Variants in SLC26A9 observed in about 807,000 individuals in gnomAD.
SLC26A9 encodes the protein anion transporter/exchanger protein 9.
SLC26A9 carries 46 observed loss-of-function variants against 87.1 expected under a neutral mutation model. That is an observed-to-expected ratio of 0.53 (90% CI 0.42 to 0.67). The LOEUF (loss-of-function observed/expected upper bound fraction) is 0.67, where lower values mean the gene tolerates loss of function less well. SLC26A9 is among the 30% of genes least tolerant of loss of function. SLC26A9 has a pLI of 0.00. For missense variants in SLC26A9, 927 were observed against 1,018.3 expected, an observed-to-expected ratio of 0.91 and a Z score of 1.22; for synonymous variants, 437 against 409.1, an observed-to-expected ratio of 1.07 and a Z score of -0.82.
chr1:205,935,373 C>G (rs1253327916), intron 2 of SLC26A9, among the ~76,000 whole-genome samples: 4 of 152,098 alleles, frequency 2.6e-5, no homozygotes, highest in Non-Finnish European at 4.4e-5. Flanking sequence ...GCTCCCCACC[C>G]CTCCATAACG....
chr1:205,926,446 G>T lies in SLC26A9; in HGVS notation c.1389+89C>A, dbSNP rs554152842. 12 of 1,085,300 alleles carry T rather than the reference G, an allele frequency of 1.1e-5. No homozygotes were observed. The Admixed American group carries it at 2.1e-4, about 19-fold the overall frequency. The allele number at this position is 1,085,300 out of a possible 1,614,324, so 67.2% of individuals were successfully genotyped here. A position where few individuals can be genotyped will look rare whatever the true frequency, so the allele number is the denominator to read the frequency against. On this transcript the variant is annotated intron_variant, in intron 12 of 20. Coordinates refer to ENST00000367135, the MANE Select transcript of SLC26A9 (RefSeq NM_052934.4). Reference sequence around the variant, plus strand: ...TAATTAGGAAGCAGCAGACTAGAGGGTTCATTGTTAGGACAGGGCTGACAG... The same window carrying T: ...TAATTAGGAAGCAGCAGACTAGAGGTTTCATTGTTAGGACAGGGCTGACAG...
At chr1:205,930,091 A>G in intron 5 of SLC26A9, 35 bp from the exon 6 acceptor site, 2 of 1,569,486 alleles carry the variant, frequency 1.3e-6, no homozygotes, top group Non-Finnish European at 1.7e-6. Context: ...GTGGCGGAAG[A>G]CCAATGTGGT....
rs1658516834 is a variant in SLC26A9, at chr1:205,914,984, A to C, written c.*373T>G. 1.9e-6 allele frequency: 3 copies of C among 1,614,164 alleles called. No homozygotes were observed. The highest frequency in any genetic ancestry group is 1.7e-6 in the Non-Finnish European group (2 of 1,180,032). On this transcript the variant is annotated 3_prime_UTR_variant, in exon 21 of 21. Coordinates refer to ENST00000367135, the MANE Select transcript of SLC26A9 (RefSeq NM_052934.4). ...TTGTACAGCAGGCCAGCACAGTTGTACTTGTCCTTCTGTTTTTGGCTCACT... is the reference window on the plus strand; with the variant it reads ...TTGTACAGCAGGCCAGCACAGTTGTCCTTGTCCTTCTGTTTTTGGCTCACT...
chr1:205,919,487 T>TCC (rs1266677743), intron 18 of SLC26A9, among the ~76,000 whole-genome samples: 1 of 152,104 alleles, frequency 6.6e-6, no homozygotes, highest in East Asian at 1.9e-4. Context: ...GCAGATTCTC[T>TCC]CCCCGAACGT....
chr1:205,914,935 G>A lies in SLC26A9; in HGVS notation c.*422C>T. ...GACACCATCTGACACCGAGCCGTGT[G>A]GGCTCTGGGACACTTTTTGAAGCTT... On this transcript the variant is annotated 3_prime_UTR_variant, in exon 21 of 21. Coordinates refer to ENST00000367135, the MANE Select transcript of SLC26A9 (RefSeq NM_052934.4). 6.2e-7 allele frequency: 1 copy of A among 1,613,594 alleles called. No individual in the cohort carries two copies.
chr1:205,917,077 A>T (rs963446133), intron 20 of SLC26A9, among the ~76,000 whole-genome samples: 2 of 148,750 alleles, frequency 1.3e-5, no homozygotes, highest in African/African-American at 5.0e-5. Context: ...TGGGTGATAG[A>T]GTGAGACTTT....
intron 8 of SLC26A9, 117 bp from the exon 9 acceptor site, chr1:205,928,166 T>A: frequency 8.1e-7 from 1 of 1,241,746 alleles, no homozygotes; most frequent in Non-Finnish European, 1.1e-6. Context: ...GATCTTTGCC[T>A]AAGTTATCCC....
In SLC26A9 at chr1:205,934,097, C is replaced by A. The variant is rs1659416738; in HGVS notation, c.126-1013G>T. Among the ~76,000 whole-genome samples the A allele has an allele frequency of 2.0e-5, 3 of 152,312 alleles. No individual in the cohort carries two copies. In the South Asian group the frequency reaches 6.2e-4, roughly 32 times the overall value. ...ATTCCTGCTCTTTGCTCTTGCTCAA[C>A]AATAGTTTCCCTGACACTCGGTCCC... On this transcript the variant is annotated intron_variant, in intron 2 of 20. Transcript: ENST00000367135.
At position 205,927,591 on chromosome 1, in the gene SLC26A9, G is replaced by A. The variant is rs748003639; in HGVS notation, c.1116C>T (p.Leu372=). The change falls in exon 10 of 21, where the codon CTC becomes CTT. Residue 372 remains leucine (L), a synonymous_variant. Coordinates refer to ENST00000367135, the MANE Select transcript of SLC26A9 (RefSeq NM_052934.4). ...DVDSNQEMIA[L]GCSNFFGSFF... ...AGGAGCCAAAGAAGTTGCTGCAGCC[G>A]AGAGCGATCATCTCCTGCAGGGAGG... 12 of 1,613,738 alleles carry A rather than the reference G, an allele frequency of 7.4e-6. No individual in the cohort carries two copies. Among genetic ancestry groups the A allele is most frequent in the South Asian group, 2.2e-5 (2 of 91,006 alleles).
chr1:205,929,408 A>G (rs1422222179), intron 6 of SLC26A9, 52 bp from the exon 7 acceptor site: 1 of 1,591,906 alleles, frequency 6.3e-7, no homozygotes. Context: ...TTCCCATAAT[A>G]CCCCACCTTT....
rs1242722130 is a variant in SLC26A9, at chr1:205,915,393, C to A, written c.2340G>T (p.Gly780=). The A allele has an allele frequency of 3.1e-6, 5 of 1,613,950 alleles. No homozygotes were observed. The highest frequency in any genetic ancestry group is 2.7e-5 in the African/African-American group (2 of 74,904). Residue 780 remains glycine, a synonymous_variant, in exon 21 of 21, where the codon GGG becomes GGT. Coordinates refer to ENST00000367135, the MANE Select transcript of SLC26A9 (RefSeq NM_052934.4). ...SYWDLEQEMF[G]SMFHAETLTA... is the part of the protein sequence containing the mutation. Reference sequence around the variant, plus strand: ...TCAGGGTCTCTGCGTGAAACATGCTCCCGAACATCTCCTGCAGGAACCACA... The same window carrying A: ...TCAGGGTCTCTGCGTGAAACATGCTACCGAACATCTCCTGCAGGAACCACA...
chr1:205,917,328 C>A lies in SLC26A9; in HGVS notation c.2283G>T (p.Leu761Phe). The change falls in exon 20 of 21, where the codon TTG becomes TTT. Residue 761 changes from leucine to phenylalanine, a missense_variant. Physicochemically the swap from Leu to Phe is conservative, Grantham distance 22. Coordinates refer to ENST00000367135, the MANE Select transcript of SLC26A9 (RefSeq NM_052934.4). ...QGAPGDAELS[L>F]YDSEEDIRSY... ...TGCGAATGTCCTCCTCTGAGTCGTA[C>A]AAGGAGAGCTCAGCATCCCCTGGAG... 2 of 1,614,004 alleles carry A rather than the reference C, an allele frequency of 1.2e-6. No individual in the cohort carries two copies. The highest frequency in any genetic ancestry group is 1.7e-6 in the Non-Finnish European group (2 of 1,179,982).
chr1:205,928,751 G>A lies in SLC26A9; in HGVS notation c.953+76C>T, dbSNP rs1322331780. 5 of 1,365,256 alleles carry A rather than the reference G, an allele frequency of 3.7e-6. No individual in the cohort carries two copies. In the African/African-American group the frequency reaches 4.3e-5, roughly 12 times the overall value. 84.6% of individuals were successfully genotyped at this position (1,365,256 alleles called of 1,614,324 possible). A position where few individuals can be genotyped will look rare whatever the true frequency, so the allele number is the denominator to read the frequency against. ...ACTGCACTTTCATAGAGTTCATCTT[G>A]TCTCCCTCTCCGAGCTCAGGCCTTA... On this transcript the variant is annotated intron_variant, in intron 8 of 20. Transcript: ENST00000367135.
Position 205,927,259 on chromosome 1 carries a change from C to T in SLC26A9, c.1245G>A (p.Val415=). ...TCCCCAGGACCAGCATGGTGATCAT[C>T]ACCACCAGAGACACACACAGGCTGG... ...QVASLCVSLV[V]MITMLVLGIY... is the part of the protein sequence containing the mutation. Residue 415 remains valine, a synonymous_variant, in exon 11 of 21, where the codon GTG becomes GTA. Transcript: ENST00000367135. 6.2e-7 allele frequency: 1 copy of T among 1,614,180 alleles called. No homozygotes were observed. Among genetic ancestry groups the T allele is most frequent in the South Asian group, 1.1e-5 (1 of 91,080 alleles).
chr1:205,941,649 C>A (rs1003607955), intron 1 of SLC26A9, among the ~76,000 whole-genome samples: 1 of 152,158 alleles, frequency 6.6e-6, no homozygotes, highest in Non-Finnish European at 1.5e-5. Flanking sequence ...ATACCACCCC[C>A]CAAATCCCCA....
intron 1 of SLC26A9, among the ~76,000 whole-genome samples, chr1:205,943,092 T>G (rs531936091): frequency 2.0e-5 from 3 of 152,118 alleles, no homozygotes; most frequent in African/African-American, 7.2e-5. Flanking sequence ...TGTTTCGGGG[T>G]CTGGCGACCA....
intron 18 of SLC26A9, 38 bp from the exon 19 acceptor site, chr1:205,919,023 C>T (rs763043507): frequency 1.2e-6 from 2 of 1,609,128 alleles, no homozygotes; most frequent in South Asian, 1.1e-5. Flanking sequence ...AAGATAACAG[C>T]CATTGTGGAT....
At chr1:205,927,690 T>C in intron 9 of SLC26A9, 85 bp from the exon 10 acceptor site, 1 of 1,426,622 alleles carries the variant, frequency 7.0e-7, no homozygotes, top group East Asian at 2.3e-5. Context: ...AGCTGGACTG[T>C]GGGCCTAAGA....
chr1:205,935,942 C>T, intron 1 of SLC26A9, 104 bp from the exon 2 acceptor site: 2 of 1,352,442 alleles, frequency 1.5e-6, no homozygotes, highest in Non-Finnish European at 1.9e-6. Flanking sequence ...TTATTCTGGC[C>T]TTCCCCGCCC....
Sources: allele counts gnomAD v4.1 joint callset (sites outside exome capture counted in the v4.1 genomes callset), GRCh38; gene constraint gnomAD v4.1.1; transcripts MANE v1.5; gene names NCBI Gene and HGNC (gene_info 2026-07-23, HGNC 2026-07-21).